PLCE1: variants seen among roughly 807,000 people sequenced by gnomAD.
PLCE1 encodes the protein phospholipase C epsilon 1, also known as 1-phosphatidylinositol 4,5-bisphosphate phosphodiesterase epsilon-1.
A neutral mutation model predicts 242.8 loss-of-function variants in PLCE1; 119 were observed. The observed-to-expected ratio is 0.49, with a 90% CI of 0.42 to 0.57. The LOEUF is 0.57. PLCE1 is among the 20% of genes least tolerant of loss of function. The pLI, the probability that PLCE1 is intolerant of heterozygous loss-of-function variation, is 0.00. For synonymous variants in PLCE1, 945 were observed against 1,017.4 expected, an observed-to-expected ratio of 0.93 and a Z score of 1.35; for missense variants, 2,441 against 2,788.8, an observed-to-expected ratio of 0.88 and a Z score of 2.81.
Position 94,329,622 on chromosome 10 carries a change from A to G in PLCE1, c.*1679A>G, listed in dbSNP as rs2054131784. The G allele has an allele frequency of 1.3e-5, 2 of 152,114 alleles. No individual in the cohort carries two copies. Among genetic ancestry groups the G allele is most frequent in the Admixed American group, 1.3e-4 (2 of 15,260 alleles). 9.4% of individuals were successfully genotyped at this position (152,114 alleles called of 1,614,324 possible). On this transcript the variant is annotated 3_prime_UTR_variant, in exon 33 of 33. Transcript: ENST00000371380. ...GTGAAACCCAATCTCTACTAAAAGT[A>G]CAAAAATTAGCTGAGCGTGGTGGCA...
At chr10:94,141,687 AGGGAG>A in intron 3 of PLCE1, among the ~76,000 whole-genome samples, 1 of 113,574 alleles carries the variant, frequency 8.8e-6, no homozygotes, top group African/African-American at 3.4e-5. Flanking sequence ...GAAAGAAGGA[AGGGAG>A]GGAGAGAAGG....
chr10:94,227,315 T>C lies in PLCE1; in HGVS notation c.1819T>C (p.Trp607Arg). The C allele has an allele frequency of 6.2e-7, 1 of 1,614,126 alleles. No individual in the cohort carries two copies. Among genetic ancestry groups the C allele is most frequent in the Non-Finnish European group, 8.5e-7 (1 of 1,179,950 alleles). ...LVMRFNEVSS[W>R]VTWLILTAGS... ...TCTGTGTGTTTTCCAGGTGAGCTCCTGGGTGACATGGCTGATCCTCACGGC... is the reference window on the plus strand; with the variant it reads ...TCTGTGTGTTTTCCAGGTGAGCTCCCGGGTGACATGGCTGATCCTCACGGC... The change falls in exon 5 of 33, where the codon TGG becomes CGG. Residue 607 changes from tryptophan to arginine, a missense_variant. By Grantham distance (101) the Trp-to-Arg change is moderately radical. Coordinates refer to ENST00000371380, the MANE Select transcript of PLCE1 (RefSeq NM_016341.4).
intron 4 of PLCE1, among the ~76,000 whole-genome samples, chr10:94,224,734 G>A (rs1589377699): frequency 6.6e-6 from 1 of 152,230 alleles, no homozygotes; most frequent in Admixed American, 6.5e-5. Flanking sequence ...AGAATTAGAT[G>A]GATGCACCAA....
At chr10:94,188,820 G>A (rs546218211) in intron 4 of PLCE1, among the ~76,000 whole-genome samples, 1 of 152,040 alleles carries the variant, frequency 6.6e-6, no homozygotes, top group African/African-American at 2.4e-5. Context: ...GGTCAGGCTG[G>A]TCTCAAACTC....
At chr10:94,085,185 A>C (rs1279731542) in intron 2 of PLCE1, among the ~76,000 whole-genome samples, 1 of 152,136 alleles carries the variant, frequency 6.6e-6, no homozygotes, top group African/African-American at 2.4e-5. Flanking sequence ...TTTAAACATG[A>C]GGACAGGCAG....
intron 3 of PLCE1, among the ~76,000 whole-genome samples, chr10:94,161,475 A>C (rs1590155225): frequency 6.6e-6 from 1 of 152,304 alleles, no homozygotes; most frequent in East Asian, 1.9e-4. Context: ...TTGGTGTATA[A>C]GAATACTTGT....
At chr10:94,060,499 C>G (rs1272046011) in intron 2 of PLCE1, among the ~76,000 whole-genome samples, 3 of 152,052 alleles carry the variant, frequency 2.0e-5, no homozygotes, top group African/African-American at 7.2e-5. Context: ...GTTTTGTGAG[C>G]TTGGCAAGAC....
chr10:94,181,206 C>A (rs530235069), intron 4 of PLCE1, among the ~76,000 whole-genome samples: 2 of 152,170 alleles, frequency 1.3e-5, no homozygotes, highest in African/African-American at 4.8e-5. Flanking sequence ...AAAATGTGCA[C>A]GTATCCGTAG....
Position 94,329,274 on chromosome 10 carries a change from G to A in PLCE1, c.*1331G>A, listed in dbSNP as rs2054128424. 1 of 152,124 alleles carries A rather than the reference G, an allele frequency of 6.6e-6. No homozygotes were observed. Among genetic ancestry groups the A allele is most frequent in the South Asian group, 2.1e-4 (1 of 4,830 alleles). 9.4% of individuals were successfully genotyped at this position (152,124 alleles called of 1,614,324 possible). Reference sequence around the variant, plus strand: ...GGATTCTTCATATTCTTAGTATGAAGCAAATTATGAATTTTAAAAATGAAA... The same window carrying A: ...GGATTCTTCATATTCTTAGTATGAAACAAATTATGAATTTTAAAAATGAAA... On this transcript the variant is annotated 3_prime_UTR_variant, in exon 33 of 33. Transcript: ENST00000371380.
In PLCE1 at chr10:94,316,727, G is replaced by A; in HGVS notation, c.6313G>A (p.Gly2105Ser). The A allele has an allele frequency of 1.9e-6, 3 of 1,613,940 alleles. No individual in the cohort carries two copies. Among genetic ancestry groups the A allele is most frequent in the South Asian group, 2.2e-5 (2 of 91,060 alleles). ...CTGGTTTCCAGAAGAGGGATACATG[G>A]GCAGGATTGTCTTAAAAACCCAGCA... is the stretch of plus-strand genomic sequence containing the variant. ...SSWFPEEGYM[G>S]RIVLKTQQEN... Residue 2105 changes from glycine to serine, a missense_variant, in exon 29 of 33, where the codon GGC becomes AGC. Physicochemically the swap from Gly to Ser is moderately conservative, Grantham distance 56. Coordinates refer to ENST00000371380, the MANE Select transcript of PLCE1 (RefSeq NM_016341.4).
chr10:94,080,999 C>T (rs927643480), intron 2 of PLCE1, among the ~76,000 whole-genome samples: 2 of 152,330 alleles, frequency 1.3e-5, no homozygotes, highest in Middle Eastern at 3.4e-3. Flanking sequence ...ATTGTTGGAA[C>T]ACCTCAAATG....
intron 2 of PLCE1, among the ~76,000 whole-genome samples, chr10:94,062,415 C>G (rs775605855): frequency 6.6e-6 from 1 of 152,058 alleles, no homozygotes; most frequent in Non-Finnish European, 1.5e-5. Context: ...CCTCAATCTC[C>G]CAAGTAGCAG....
chr10:94,296,436 C>A (rs767637010), intron 23 of PLCE1, among the ~76,000 whole-genome samples: 1 of 151,732 alleles, frequency 6.6e-6, no homozygotes, highest in East Asian at 1.9e-4. Flanking sequence ...CTAGAACTTA[C>A]GAATAACTTA....
At chr10:94,318,380 G>A (rs768429405) in intron 29 of PLCE1, among the ~76,000 whole-genome samples, 86 of 152,276 alleles carry the variant, frequency 5.6e-4, no homozygotes, top group Admixed American at 2.5e-3. Context: ...TCCTCTAAGC[G>A]ATGTCAGAAA....
rs528116062 is a variant in PLCE1 at position 94,251,077 on chromosome 10, G to A, written c.3097-1239G>A. Among the ~76,000 whole-genome samples the A allele has an allele frequency of 3.3e-5, 5 of 152,286 alleles. No individual in the cohort carries two copies. The South Asian group carries it at 8.3e-4, about 25-fold the overall frequency. ...ATCATGTGCCAATCATTGGTCAAAGGAGGATATTTCATCTTGATTGACACA... is the reference window on the plus strand; with the variant it reads ...ATCATGTGCCAATCATTGGTCAAAGAAGGATATTTCATCTTGATTGACACA... On this transcript the variant is annotated intron_variant, in intron 8 of 32. Coordinates refer to ENST00000371380, the MANE Select transcript of PLCE1 (RefSeq NM_016341.4).
At chr10:94,147,006 C>T (rs989838939) in intron 3 of PLCE1, among the ~76,000 whole-genome samples, 6 of 152,136 alleles carry the variant, frequency 3.9e-5, no homozygotes, top group Non-Finnish European at 8.8e-5. Context: ...TATCCTTTGT[C>T]ACTCTTTCCA....
intron 3 of PLCE1, among the ~76,000 whole-genome samples, chr10:94,167,363 CCTT>C (rs1284419415): frequency 6.6e-6 from 1 of 152,094 alleles, no homozygotes; most frequent in Non-Finnish European, 1.5e-5. Context: ...AATTTTATCA[CCTT>C]CTCATATGCA....
chr10:94,066,887 T>C (rs1395295959), intron 2 of PLCE1, among the ~76,000 whole-genome samples: 2 of 152,222 alleles, frequency 1.3e-5, no homozygotes, highest in Non-Finnish European at 2.9e-5. Flanking sequence ...CCCACAATGG[T>C]ATTCCAAACC....
chr10:94,319,924 C>T (rs1281823108), intron 29 of PLCE1, among the ~76,000 whole-genome samples: 1 of 129,032 alleles, frequency 7.8e-6, no homozygotes, highest in Non-Finnish European at 1.5e-5. Flanking sequence ...GGCTGGAGTG[C>T]AGTGGCGCGA....
Sources: allele counts gnomAD v4.1 joint callset (sites outside exome capture counted in the v4.1 genomes callset), GRCh38; gene constraint gnomAD v4.1.1; transcripts MANE v1.5; gene names NCBI Gene and HGNC (gene_info 2026-07-23, HGNC 2026-07-21).